The following BICC1 variants were observed in gnomAD, a reference collection of about 807,000 sequenced individuals.
BICC1 encodes BicC family RNA binding protein 1.
BICC1 carries 43 observed loss-of-function variants against 111.0 expected under a neutral mutation model. The ratio of observed to expected loss-of-function variants is 0.39; its 90% CI spans 0.30 to 0.50. The LOEUF (loss-of-function observed/expected upper bound fraction) is 0.50. Among genes scored for constraint, BICC1 ranks in the 20% least tolerant of loss-of-function variants. The pLI is 0.88. For missense variants in BICC1, 1,091 were observed against 1,203.2 expected (o/e 0.91, Z 1.38); for synonymous variants, 467 against 434.4 (o/e 1.07, Z -0.93).
chr10:58,763,737 G>T (rs555157484), intron 3 of BICC1, among the ~76,000 whole-genome samples: 1 of 151,944 alleles, frequency 6.6e-6, no homozygotes, highest in African/African-American at 2.4e-5. Context: ...TTTGGACCTG[G>T]CACGTTGAAA....
intron 1 of BICC1, among the ~76,000 whole-genome samples, chr10:58,617,984 C>T (rs192846801): frequency 4.6e-5 from 7 of 152,372 alleles, no homozygotes; most frequent in African/African-American, 1.7e-4. Context: ...CCCTGTATTA[C>T]TGCTGTGGCC....
chr10:58,747,254 C>T (rs1841860702), intron 3 of BICC1, among the ~76,000 whole-genome samples: 1 of 152,124 alleles, frequency 6.6e-6, no homozygotes, highest in African/African-American at 2.4e-5. Context: ...ATGGTCATTT[C>T]TACTGCTGTC....
intron 3 of BICC1, among the ~76,000 whole-genome samples, chr10:58,760,191 A>C (rs1444526432): frequency 6.6e-6 from 1 of 152,172 alleles, no homozygotes; most frequent in East Asian, 1.9e-4. Flanking sequence ...GCCAGATCTA[A>C]GAATGGGAAT....
chr10:58,706,738 A>G (rs1840397447), intron 3 of BICC1, among the ~76,000 whole-genome samples: 1 of 152,144 alleles, frequency 6.6e-6, no homozygotes, highest in Non-Finnish European at 1.5e-5. Context: ...CCCTGCTGCC[A>G]TGTAAGATGT....
Position 58,796,472 on chromosome 10 carries a change from G to A in BICC1, c.1312G>A (p.Ala438Thr). The A allele has an allele frequency of 3.7e-6, 6 of 1,614,062 alleles. No individual in the cohort carries two copies. Among genetic ancestry groups the A allele is most frequent in the Non-Finnish European group, 4.2e-6 (5 of 1,179,986 alleles). ...PSPASCPAGLACPSLDILASA... is the reference protein window; with the variant it reads ...PSPASCPAGLTCPSLDILASA... ...CCCAGCATCCTGCCCTGCCGGCCTG[G>A]CATGTCCCAGCCTGGATATCTTAGC... The change falls in exon 10 of 21, where the codon GCA becomes ACA. Residue 438 changes from alanine to threonine, a missense_variant. Ala to Thr is a moderately conservative substitution (Grantham distance 58). Coordinates refer to ENST00000373886, the MANE Select transcript of BICC1 (RefSeq NM_001080512.3).
At chr10:58,725,083 T>C (rs1302379725) in intron 3 of BICC1, among the ~76,000 whole-genome samples, 3 of 152,148 alleles carry the variant, frequency 2.0e-5, no homozygotes, top group African/African-American at 7.2e-5. Flanking sequence ...TTGGGAGACT[T>C]TTATCTAGAC....
intron 2 of BICC1, among the ~76,000 whole-genome samples, chr10:58,688,136 A>G (rs1272008659): frequency 6.6e-6 from 1 of 152,118 alleles, no homozygotes; most frequent in African/African-American, 2.4e-5. Flanking sequence ...CCAAAGAGTG[A>G]GCAGCAGCAA....
At chr10:58,699,106 A>G (rs911449746) in intron 2 of BICC1, among the ~76,000 whole-genome samples, 2 of 152,198 alleles carry the variant, frequency 1.3e-5, no homozygotes, top group African/African-American at 4.8e-5. Context: ...GTCAAATTCT[A>G]ATTACTGGCA....
At position 58,613,940 on chromosome 10, in the gene BICC1, C is replaced by G. The variant is rs144460663; in HGVS notation, c.191-6915C>G. On this transcript the variant is annotated intron_variant, in intron 1 of 20. Transcript: ENST00000373886. ...AATGAAAGTGTCAGCTTTTCTGGGT[C>G]TGTAAAATGAGCATTTTATTTTATT... 3.5e-3 allele frequency among the ~76,000 whole-genome samples: 528 copies of G among 152,172 alleles called. 2 individuals carry two copies. The highest frequency in any genetic ancestry group is 0.01 in the Middle Eastern group (3 of 294).
intron 16 of BICC1, 22 bp from the exon 17 acceptor site, chr10:58,806,982 T>C: frequency 6.2e-7 from 1 of 1,601,672 alleles, no homozygotes; most frequent in South Asian, 1.1e-5. Flanking sequence ...TACCAAGCAT[T>C]GGTTTTATTT....
chr10:58,787,084 G>A lies in BICC1; in HGVS notation c.546+3G>A. On this transcript the variant is annotated splice_donor_region_variant and intron_variant, in intron 5 of 20. Transcript: ENST00000373886. ...ACCAAGCAGAAAAAAGCAACCAGGTGGTTTGTCTTTTCACATGAACTTTTA... is the reference window on the plus strand; with the variant it reads ...ACCAAGCAGAAAAAAGCAACCAGGTAGTTTGTCTTTTCACATGAACTTTTA... 1 of 1,565,748 alleles carries A rather than the reference G, an allele frequency of 6.4e-7. No individual in the cohort carries two copies.
chr10:58,815,529 T>G lies in BICC1; in HGVS notation c.2533+1543T>G, dbSNP rs894358900. On this transcript the variant is annotated intron_variant, in intron 18 of 20. Transcript: ENST00000373886. The stretch of plus-strand genomic sequence containing the variant: ...TATCTCCTTTCCCTTCATTTAACAT[T>G]GGATAATTAAATTGACTGTACTACT... Among the ~76,000 whole-genome samples, 3 of 152,154 alleles carry G rather than the reference T, an allele frequency of 2.0e-5. No individual in the cohort carries two copies. The East Asian group carries it at 5.8e-4, about 29-fold the overall frequency.
At chr10:58,605,954 T>A (rs1272912640) in intron 1 of BICC1, among the ~76,000 whole-genome samples, 1 of 152,216 alleles carries the variant, frequency 6.6e-6, no homozygotes, top group East Asian at 1.9e-4. Flanking sequence ...TCTTCCCCCT[T>A]GGGTTTAATA....
At chr10:58,521,797 TTTTTTTTTTG>T in intron 1 of BICC1, among the ~76,000 whole-genome samples, 1 of 70,916 alleles carries the variant, frequency 1.4e-5, no homozygotes, top group African/African-American at 6.9e-5. Flanking sequence ...TTTTTTTTTT[TTTTTTTTTTG>T]AGGGAGTACA....
intron 2 of BICC1, among the ~76,000 whole-genome samples, chr10:58,691,008 T>C (rs1342481913): frequency 2.0e-5 from 3 of 152,174 alleles, no homozygotes; most frequent in African/African-American, 7.2e-5. Flanking sequence ...ATAATCGACA[T>C]AAGAAGGTGT....
chr10:58,525,462 A>G (rs1283740742), intron 1 of BICC1, among the ~76,000 whole-genome samples: 2 of 120,800 alleles, frequency 1.7e-5, no homozygotes, highest in African/African-American at 5.5e-5. Context: ...TATCGCAAGG[A>G]CAGAAAACCA....
At chr10:58,771,485 C>T (rs752971685) in intron 3 of BICC1, among the ~76,000 whole-genome samples, 1 of 151,942 alleles carries the variant, frequency 6.6e-6, no homozygotes, top group South Asian at 2.1e-4. Context: ...ATGTAATAGG[C>T]CTTTTAAGGG....
rs758472651 is a variant in BICC1, at chr10:58,532,092, A to G, written c.190+18759A>G. Among the ~76,000 whole-genome samples the G allele has an allele frequency of 4.1e-4, 62 of 152,000 alleles. 1 individual carries two copies. The highest frequency in any genetic ancestry group is 7.8e-4 in the Non-Finnish European group (53 of 67,876). ...ATAAGAAGCTCAAAGGACTACAGTC[A>G]TGATGAAACTAAAGAAATTCACACT... On this transcript the variant is annotated intron_variant, in intron 1 of 20. Coordinates refer to ENST00000373886, the MANE Select transcript of BICC1 (RefSeq NM_001080512.3).
chr10:58,787,142 G>A, intron 5 of BICC1, 61 bp downstream of exon 5: 4 of 1,416,746 alleles, frequency 2.8e-6, no homozygotes, highest in Non-Finnish European at 3.7e-6. Flanking sequence ...TTAATTTTCA[G>A]TTTGCCTATC....
Sources: gnomAD v4.1 joint callset for allele counts (sites outside exome capture counted in the v4.1 genomes callset) on GRCh38, gnomAD v4.1.1 for gene constraint, MANE v1.5 for transcripts, NCBI Gene and HGNC (gene_info 2026-07-23, HGNC 2026-07-21) for gene names.